Variants in DPH6 observed in about 807,000 individuals in gnomAD.
DPH6 encodes diphthamine biosynthesis 6, also known as diphthine--ammonia ligase.
In DPH6, 33 loss-of-function variants were observed where a neutral mutation model predicts 38.2. The observed-to-expected ratio is 0.86, with a 90% CI of 0.65 to 1.15. The LOEUF (loss-of-function observed/expected upper bound fraction) is 1.15, where lower values mean the gene tolerates loss of function less well. Among genes scored for constraint, DPH6 ranks in the 50% most tolerant of loss-of-function variants. The pLI is 0.00. For missense variants in DPH6, 325 were observed against 320.0 expected, an observed-to-expected ratio of 1.02 and a Z score of -0.12; for synonymous variants, 108 against 103.0, an observed-to-expected ratio of 1.05 and a Z score of -0.30.
intron 5 of DPH6, among the ~76,000 whole-genome samples, chr15:35,429,159 C>G (rs973898495): frequency 1.3e-5 from 2 of 152,170 alleles, no homozygotes; most frequent in African/African-American, 4.8e-5. Flanking sequence ...CACATTAACT[C>G]TGTTAATAGA....
chr15:35,386,646 T>G (rs1014217112), intron 6 of DPH6, among the ~76,000 whole-genome samples: 58 of 152,360 alleles, frequency 3.8e-4, no homozygotes, highest in African/African-American at 1.4e-3. Flanking sequence ...ATGTCTTCTT[T>G]TGAGAAGTGT....
the DPH6 span, among the ~76,000 whole-genome samples, chr15:35,166,754 G>GA: frequency 5.3e-5 from 8 of 151,878 alleles, no homozygotes; most frequent in Non-Finnish European, 8.8e-5. Flanking sequence ...AAAGGATGAT[G>GA]AAAAAAATGT....
chr15:35,297,707 C>A (rs2052024543), intron 3 of DPH6, among the ~76,000 whole-genome samples: 1 of 152,028 alleles, frequency 6.6e-6, no homozygotes, highest in South Asian at 2.1e-4. Flanking sequence ...ATAGCTCTGA[C>A]TTTGAGTTCT....
intron 7 of DPH6, among the ~76,000 whole-genome samples, chr15:35,378,911 C>T (rs886218952): frequency 6.6e-6 from 1 of 152,092 alleles, no homozygotes; most frequent in African/African-American, 2.4e-5. Flanking sequence ...CACCATGGCA[C>T]GTGTATACCT....
rs781364288 is a variant in DPH6 at position 35,454,810 on chromosome 15, T to A, written c.323A>T (p.Glu108Val). ...ELLKLVKEKEEVEGISVGAIL... is the reference protein window; with the variant it reads ...ELLKLVKEKEVVEGISVGAIL... The stretch of plus-strand genomic sequence containing the variant: ...AGCACCTACTGATATCCCCTCTACT[T>A]CTTCTTTTTCCTGAAAATAAAGAAA... Residue 108 changes from glutamate (E) to valine (V), a missense_variant, in exon 4 of 9, where the codon GAA becomes GTA. Glu to Val is a moderately radical substitution (Grantham distance 121). Transcript: ENST00000256538. The A allele has an allele frequency of 8.1e-6, 13 of 1,598,608 alleles. No individual in the cohort carries two copies. The highest frequency in any genetic ancestry group is 1.3e-5 in the African/African-American group (1 of 74,284).
intron 3 of DPH6, among the ~76,000 whole-genome samples, chr15:35,233,314 G>A (rs1441391097): frequency 6.6e-6 from 1 of 151,990 alleles, no homozygotes; most frequent in African/African-American, 2.4e-5. Flanking sequence ...TGTATCAAAA[G>A]TAAATAAATA....
At chr15:35,387,160 G>C (rs549371249) in intron 6 of DPH6, among the ~76,000 whole-genome samples, 1 of 152,160 alleles carries the variant, frequency 6.6e-6, no homozygotes, top group South Asian at 2.1e-4. Flanking sequence ...GTAGACATGC[G>C]GCATTATATC....
chr15:35,482,923 C>A (rs1318921954), intron 3 of DPH6, among the ~76,000 whole-genome samples: 1 of 151,756 alleles, frequency 6.6e-6, no homozygotes, highest in Non-Finnish European at 1.5e-5. Flanking sequence ...GTTTGCAAAT[C>A]ATACATCTGA....
chr15:35,160,544 A>G, the DPH6 span, among the ~76,000 whole-genome samples: 2 of 152,022 alleles, frequency 1.3e-5, no homozygotes, highest in African/African-American at 4.8e-5. Context: ...TTTGTCATCC[A>G]GGTAGTGACA....
chr15:35,213,906 A>C (rs2051399752), downstream of DPH6, among the ~76,000 whole-genome samples: 1 of 152,186 alleles, frequency 6.6e-6, no homozygotes, highest in African/African-American at 2.4e-5. Context: ...AGGTCAGGAG[A>C]TCGAGACCAT....
downstream of DPH6, chr15:35,365,923 C>G (rs1280697944): frequency 1.0e-6 from 1 of 985,296 alleles, no homozygotes; most frequent in East Asian, 1.1e-4. Context: ...AGGTTTTAGA[C>G]TGGTAAATAC....
intron 3 of DPH6, among the ~76,000 whole-genome samples, chr15:35,359,280 C>A (rs1265657798): frequency 6.6e-6 from 1 of 152,110 alleles, no homozygotes; most frequent in Admixed American, 6.5e-5. Context: ...GCAATACAGG[C>A]TTGAAAATCT....
intron 3 of DPH6, among the ~76,000 whole-genome samples, chr15:35,245,460 G>A (rs10152893): frequency 6.6e-6 from 1 of 151,876 alleles, no homozygotes; most frequent in African/African-American, 2.4e-5. Flanking sequence ...GGATGGTCTC[G>A]ATCTCCTGAC....
At chr15:35,335,145 A>C (rs569252479) in intron 3 of DPH6, among the ~76,000 whole-genome samples, 142 of 152,216 alleles carry the variant, frequency 9.3e-4, no homozygotes, top group African/African-American at 3.3e-3. Flanking sequence ...GCATTTCTCT[A>C]ATGATCAATG....
Position 35,479,834 on chromosome 15 carries a change from A to G in DPH6, c.313-25014T>C, listed in dbSNP as rs148795245. ...TATTTAAATAAAAAGCACGATTTAC[A>G]CATATTAAAAATTCTAATTGAAAAG... On this transcript the variant is annotated intron_variant, in intron 3 of 8. Transcript: ENST00000256538. 3.9e-3 allele frequency among the ~76,000 whole-genome samples: 594 copies of G among 152,276 alleles called. 23 individuals carry two copies. Among genetic ancestry groups the G allele is most frequent in the Admixed American group, 0.036 (546 of 15,268 alleles).
chr15:35,295,659 C>G (rs2140791439), intron 3 of DPH6, among the ~76,000 whole-genome samples: 1 of 152,180 alleles, frequency 6.6e-6, no homozygotes, highest in East Asian at 1.9e-4. Context: ...TCCTCCACCC[C>G]ACACCAATCA....
chr15:35,259,023 T>C (rs910168639), intron 3 of DPH6, among the ~76,000 whole-genome samples: 3 of 151,830 alleles, frequency 2.0e-5, no homozygotes, highest in African/African-American at 7.3e-5. Context: ...GGTGTGCACC[T>C]GTAATCCCGC....
chr15:35,480,830 A>G lies in DPH6; in HGVS notation c.313-26010T>C, dbSNP rs543177188. On this transcript the variant is annotated intron_variant, in intron 3 of 8. Transcript: ENST00000256538. ...CACTGAGTAACCAGATAATAGGAAGAGCATCTCTTTTTATGGAATATTTCA... is the reference window on the plus strand; with the variant it reads ...CACTGAGTAACCAGATAATAGGAAGGGCATCTCTTTTTATGGAATATTTCA... Among the ~76,000 whole-genome samples the G allele has an allele frequency of 5.3e-5, 8 of 152,242 alleles. No individual in the cohort carries two copies. The South Asian group carries it at 1.7e-3, about 32-fold the overall frequency.
chr15:35,370,441 T>A (rs1321765788), downstream of DPH6, among the ~76,000 whole-genome samples: 1 of 151,756 alleles, frequency 6.6e-6, no homozygotes, highest in African/African-American at 2.4e-5. Flanking sequence ...AAATACATAT[T>A]TGATAAAGAA....
Sources: allele counts gnomAD v4.1 joint callset (sites outside exome capture counted in the v4.1 genomes callset), GRCh38; gene constraint gnomAD v4.1.1; transcripts MANE v1.5; gene names NCBI Gene and HGNC (gene_info 2026-07-23, HGNC 2026-07-21).